Variants in SOCS6 observed in about 807,000 individuals in gnomAD.
The protein encoded by SOCS6 is suppressor of cytokine signaling 6.
In SOCS6, 5 loss-of-function variants were observed where a neutral mutation model predicts 27.7. The ratio of observed to expected loss-of-function variants is 0.18; its 90% CI spans 0.09 to 0.38. SOCS6 has a LOEUF of 0.38. SOCS6 is among the 10% of genes least tolerant of loss of function. The pLI is 1.00. For synonymous variants in SOCS6, 271 were observed against 260.0 expected (o/e 1.04, Z -0.41); for missense variants, 595 against 688.1 (o/e 0.86, Z 1.51).
chr18:70,291,820 A>G (rs41430446), intron 1 of SOCS6, among the ~76,000 whole-genome samples: 5 of 152,232 alleles, frequency 3.3e-5, no homozygotes, highest in African/African-American at 9.6e-5. Context: ...TTTACAAGGG[A>G]GAAATTCCAA....
intron 1 of SOCS6, among the ~76,000 whole-genome samples, chr18:70,311,403 TTA>T (rs766546861): frequency 6.6e-6 from 1 of 152,148 alleles, no homozygotes; most frequent in Non-Finnish European, 1.5e-5. Context: ...GGAAAGTTGT[TTA>T]TACCTTTGGC....
chr18:70,291,363 G>A (rs1030526598), intron 1 of SOCS6, among the ~76,000 whole-genome samples: 17 of 152,104 alleles, frequency 1.1e-4, no homozygotes, highest in African/African-American at 3.9e-4. Context: ...GCCTCCCAAA[G>A]CCCTGGGATT....
At chr18:70,301,015 A>G (rs532192154) in intron 1 of SOCS6, among the ~76,000 whole-genome samples, 1 of 152,300 alleles carries the variant, frequency 6.6e-6, no homozygotes, top group South Asian at 2.1e-4. Flanking sequence ...TTCTGTTTTT[A>G]TGTAGTTGTA....
Position 70,324,866 on chromosome 18 carries a change from CAG to C in SOCS6, c.200_201del (p.Arg67IlefsTer47). On this transcript the variant is annotated frameshift_variant, in exon 2 of 2. Transcript: ENST00000397942. LOFTEE classifies it high-confidence loss of function. Reference protein sequence around the residue: ...NGEDEKGGKNRSKSESLMGTL... With the variant: ...NGEDEKGGKNXSKSESLMGTL... ...GTGAAGATGAAAAAGGCGGAAAAAA[CAG>C]ATCAAAAAGCGAGAGCCTGATGGGT... is the stretch of plus-strand genomic sequence containing the variant. The C allele has an allele frequency of 6.2e-7, 1 of 1,614,104 alleles. No homozygotes were observed. The highest frequency in any genetic ancestry group is 8.5e-7 in the Non-Finnish European group (1 of 1,180,030).
At chr18:70,318,483 A>C (rs557989190) in intron 1 of SOCS6, among the ~76,000 whole-genome samples, 1 of 152,346 alleles carries the variant, frequency 6.6e-6, no homozygotes, top group Admixed American at 6.5e-5. Flanking sequence ...AGCTGGTAGC[A>C]TAAGAAAATC....
intron 1 of SOCS6, among the ~76,000 whole-genome samples, chr18:70,324,281 G>A (rs956684341): frequency 3.2e-4 from 45 of 139,464 alleles, no homozygotes; most frequent in African/African-American, 1.4e-3. Flanking sequence ...CAGCCTGGGC[G>A]AAAGAGTGAG....
chr18:70,318,163 T>C (rs1264024724), intron 1 of SOCS6, among the ~76,000 whole-genome samples: 1 of 152,104 alleles, frequency 6.6e-6, no homozygotes, highest in Non-Finnish European at 1.5e-5. Context: ...GCCTATTATT[T>C]ATTATATAGT....
At chr18:70,290,900 G>T (rs1277659315) in intron 1 of SOCS6, among the ~76,000 whole-genome samples, 1 of 152,066 alleles carries the variant, frequency 6.6e-6, no homozygotes, top group Non-Finnish European at 1.5e-5. Flanking sequence ...CACACCCTCG[G>T]GTCATCCCAT....
At chr18:70,306,163 G>A (rs548914123) in intron 1 of SOCS6, among the ~76,000 whole-genome samples, 56 of 152,218 alleles carry the variant, frequency 3.7e-4, no homozygotes, top group African/African-American at 9.4e-4. Context: ...TCAGGAGGTC[G>A]AGGCTGCAGT....
chr18:70,306,495 A>G (rs1484160965), intron 1 of SOCS6, among the ~76,000 whole-genome samples: 2 of 147,614 alleles, frequency 1.4e-5, no homozygotes, highest in Non-Finnish European at 3.0e-5. Context: ...AAAAAAAAAA[A>G]AAAAGAAAGA....
intron 1 of SOCS6, among the ~76,000 whole-genome samples, chr18:70,315,098 G>A (rs1443804922): frequency 6.6e-6 from 1 of 152,056 alleles, no homozygotes; most frequent in Non-Finnish European, 1.5e-5. Context: ...CACTCCCAAT[G>A]TTTGCTGGTA....
chr18:70,325,689 C>T lies in SOCS6; in HGVS notation c.1021C>T (p.Arg341Cys), dbSNP rs561166194. 17 of 1,614,114 alleles carry T rather than the reference C, an allele frequency of 1.1e-5. No individual in the cohort carries two copies. The highest frequency in any genetic ancestry group is 9.3e-5 in the African/African-American group (7 of 75,040). ...AGAAGCCCACGTGGCTGAAAGTATGCGCTGTCATTTGAATTTTGATCCGAA... is the reference window on the plus strand; with the variant it reads ...AGAAGCCCACGTGGCTGAAAGTATGTGCTGTCATTTGAATTTTGATCCGAA... ...GTEAHVAESM[R>C]CHLNFDPNSA... Residue 341 changes from arginine (R) to cysteine (C), a missense_variant, in exon 2 of 2, where the codon CGC (arginine) becomes TGC (cysteine). Physicochemically the swap from Arg to Cys is radical, Grantham distance 180. Transcript: ENST00000397942. This position sits in a 1 kb window ranked among gnomAD's most constrained non-coding sequence, Gnocchi z 6.3.
chr18:70,307,816 TC>T (rs777608815), intron 1 of SOCS6, among the ~76,000 whole-genome samples: 1 of 152,288 alleles, frequency 6.6e-6, no homozygotes, highest in South Asian at 2.1e-4. Flanking sequence ...ATTTGTTTTT[TC>T]CCTCTTGTTT....
chr18:70,301,725 G>T (rs1034694307), intron 1 of SOCS6, among the ~76,000 whole-genome samples: 1 of 152,190 alleles, frequency 6.6e-6, no homozygotes, highest in African/African-American at 2.4e-5. Context: ...GTGGAGAAGA[G>T]GGGACCAAAG....
At chr18:70,315,129 G>A (rs906278001) in intron 1 of SOCS6, among the ~76,000 whole-genome samples, 1 of 152,038 alleles carries the variant, frequency 6.6e-6, no homozygotes, top group Non-Finnish European at 1.5e-5. Context: ...GTACTTCAAT[G>A]TTCATAAGTG....
intron 1 of SOCS6, among the ~76,000 whole-genome samples, chr18:70,317,519 C>A (rs887493805): frequency 7.0e-5 from 1 of 14,192 alleles, no homozygotes; most frequent in African/African-American, 4.5e-4. Context: ...TATATACATA[C>A]ATATATACGT....
At chr18:70,316,365 G>A (rs1365777507) in intron 1 of SOCS6, among the ~76,000 whole-genome samples, 1 of 152,004 alleles carries the variant, frequency 6.6e-6, no homozygotes, top group Non-Finnish European at 1.5e-5. Flanking sequence ...TATTCCATAA[G>A]TTCTTGAAAA....
At chr18:70,306,930 C>G (rs1227793611) in intron 1 of SOCS6, among the ~76,000 whole-genome samples, 1 of 152,046 alleles carries the variant, frequency 6.6e-6, no homozygotes, top group Non-Finnish European at 1.5e-5. Context: ...GTATATAATG[C>G]TTTTTATATG....
At chr18:70,298,822 A>C (rs1248602100) in intron 1 of SOCS6, among the ~76,000 whole-genome samples, 1 of 152,160 alleles carries the variant, frequency 6.6e-6, no homozygotes, top group Non-Finnish European at 1.5e-5. Flanking sequence ...CCACTTCTTC[A>C]GTGTGAAAAC....
Sources: allele counts gnomAD v4.1 joint callset (sites outside exome capture counted in the v4.1 genomes callset), GRCh38; gene constraint gnomAD v4.1.1; non-coding constraint Gnocchi (gnomAD v3.1); transcripts MANE v1.5; gene names NCBI Gene and HGNC (gene_info 2026-07-23, HGNC 2026-07-21).